Variants in OTUD7A observed in about 807,000 individuals in gnomAD.
The protein encoded by OTUD7A is OTU deubiquitinase 7A.
A neutral mutation model predicts 65.7 loss-of-function variants in OTUD7A; 12 were observed. The ratio of observed to expected loss-of-function variants is 0.18; its 90% CI spans 0.12 to 0.30. OTUD7A has a LOEUF of 0.30. Ranked by LOEUF, OTUD7A falls within the 10% of genes least tolerant of loss-of-function variation. OTUD7A has a pLI of 1.00. For synonymous variants in OTUD7A, 641 were observed against 586.3 expected (o/e 1.09, Z -1.35); for missense variants, 1,148 against 1,304.8 (o/e 0.88, Z 1.85).
chr15:31,768,204 G>A, intron 1 of OTUD7A: 2 of 1,096,182 alleles, frequency 1.8e-6, no homozygotes, highest in Non-Finnish European at 2.8e-6. Flanking sequence ...CTCTCCACAG[G>A]TCTGTCAGCG....
chr15:31,807,189 T>TCA lies in OTUD7A; in HGVS notation c.-100+63317_-100+63318insTG, dbSNP rs1170807987. ...AGCTCAATAGAGTCAATAACACCGT[T>TCA]CCCATTTTGCAGGTGAAATCGAGCC... On this transcript the variant is annotated intron_variant, in intron 1 of 12. Transcript: ENST00000307050. Among the ~76,000 whole-genome samples the TCA allele has an allele frequency of 1.2e-3, 187 of 152,282 alleles. 5 individuals carry two copies. The East Asian group carries it at 0.022, about 18-fold the overall frequency.
intron 1 of OTUD7A, among the ~76,000 whole-genome samples, chr15:31,835,665 C>T (rs1595802827): frequency 6.6e-6 from 1 of 152,182 alleles, no homozygotes; most frequent in East Asian, 1.9e-4. Flanking sequence ...CATATACACA[C>T]ATACACATAC....
chr15:31,863,164 G>T lies in OTUD7A; in HGVS notation c.-100+7343C>A, dbSNP rs192962804. Among the ~76,000 whole-genome samples, 1,069 of 152,338 alleles carry T rather than the reference G, an allele frequency of 7.0e-3. 15 individuals carry two copies. Among genetic ancestry groups the T allele is most frequent in the African/African-American group, 0.025 (1,029 of 41,586 alleles). On this transcript the variant is annotated intron_variant, in intron 1 of 12. Transcript: ENST00000307050. ...CTTGTGCAGCTTCACCCCTGTGGCT[G>T]TGCAGGGTACAGCCTCCCTCCTGGC...
rs1243683746 is a variant in OTUD7A at position 31,483,739 on chromosome 15, G to A, written c.2357C>T (p.Ala786Val). Residue 786 changes from alanine (A) to valine (V), a missense_variant, in exon 13 of 13, where the codon GCG becomes GTG. This residue lies in a region of OTUD7A where 842 missense variants were observed against 769.5 expected (regional missense o/e 1.09). Transcript: ENST00000307050. ...QSVIHVQASG[A>V]RDEACAPAVG... is the part of the protein sequence containing the mutation. Reference sequence around the variant, plus strand: ...GGCCGGCGCGCACGCCTCGTCCCGCGCGCCCGACGCCTGCACGTGGATGAC... The same window carrying A: ...GGCCGGCGCGCACGCCTCGTCCCGCACGCCCGACGCCTGCACGTGGATGAC... 9.0e-6 allele frequency: 10 copies of A among 1,105,998 alleles called. No homozygotes were observed. The highest frequency in any genetic ancestry group is 5.1e-5 in the Admixed American group (1 of 19,496). The allele number at this position is 1,105,998 out of a possible 1,614,324, so 68.5% of individuals were successfully genotyped here.
intron 3 of OTUD7A, among the ~76,000 whole-genome samples, chr15:31,598,918 C>G (rs1176986102): frequency 6.6e-6 from 1 of 152,140 alleles, no homozygotes; most frequent in African/African-American, 2.4e-5. Flanking sequence ...GAGCCCATCA[C>G]AGCTCAGCAA....
At chr15:31,685,920 T>C (rs1448623301) in intron 1 of OTUD7A, among the ~76,000 whole-genome samples, 1 of 152,194 alleles carries the variant, frequency 6.6e-6, no homozygotes, top group Non-Finnish European at 1.5e-5. Context: ...ACAATGTCTG[T>C]GTGGATCGCA....
At chr15:31,527,360 A>G in intron 6 of OTUD7A, 52 bp from the exon 7 acceptor site, 1 of 1,599,038 alleles carries the variant, frequency 6.3e-7, no homozygotes, top group Non-Finnish European at 8.5e-7. Flanking sequence ...ATGAGAAAAG[A>G]CAAGCCAGAG....
At chr15:31,714,965 G>T (rs993108188) in intron 1 of OTUD7A, among the ~76,000 whole-genome samples, 5 of 151,582 alleles carry the variant, frequency 3.3e-5, no homozygotes, top group African/African-American at 1.2e-4. Context: ...GTGAAACCCC[G>T]TCTCTACTAA....
intron 3 of OTUD7A, among the ~76,000 whole-genome samples, chr15:31,640,708 A>T (rs1891486617): frequency 1.3e-5 from 1 of 79,474 alleles, no homozygotes; most frequent in African/African-American, 8.6e-5. Context: ...TCTCTACATT[A>T]AAAAAACTAC....
intron 3 of OTUD7A, among the ~76,000 whole-genome samples, chr15:31,596,182 T>A (rs930585108): frequency 2.6e-5 from 4 of 152,200 alleles, no homozygotes; most frequent in Admixed American, 6.5e-5. Flanking sequence ...ATCTGTAGAA[T>A]CTTGTCTTCT....
chr15:31,524,807 G>A (rs1036677456), intron 8 of OTUD7A, among the ~76,000 whole-genome samples: 1 of 152,154 alleles, frequency 6.6e-6, no homozygotes, highest in Non-Finnish European at 1.5e-5. Context: ...TAATCCTTTT[G>A]TTAGATTAAG....
chr15:31,708,652 C>T (rs1566982056), intron 1 of OTUD7A, among the ~76,000 whole-genome samples: 2 of 151,872 alleles, frequency 1.3e-5, no homozygotes, highest in African/African-American at 2.4e-5. Context: ...TCTTAACCTC[C>T]TTAGCAAGAA....
chr15:31,606,585 G>A (rs1890245962), intron 3 of OTUD7A, among the ~76,000 whole-genome samples: 1 of 152,196 alleles, frequency 6.6e-6, no homozygotes. Flanking sequence ...AAGTCAGACA[G>A]TAATGGAATT....
At position 31,787,276 on chromosome 15, in the gene OTUD7A, C is replaced by A. The variant is rs566523622; in HGVS notation, c.-100+83231G>T. Among the ~76,000 whole-genome samples the A allele has an allele frequency of 2.6e-5, 4 of 152,272 alleles. No homozygotes were observed. In the South Asian group the frequency reaches 8.3e-4, roughly 32 times the overall value. On this transcript the variant is annotated intron_variant, in intron 1 of 12. Coordinates refer to ENST00000307050, the MANE Select transcript of OTUD7A (RefSeq NM_001382637.1). ...TTATTGGTTGCCTCACCAAGTAGGG[C>A]TAATTGGTTACCTTGGAATTTAATT...
At chr15:31,734,439 A>G (rs1401971827) in intron 1 of OTUD7A, among the ~76,000 whole-genome samples, 2 of 152,244 alleles carry the variant, frequency 1.3e-5, no homozygotes, top group African/African-American at 2.4e-5. Context: ...AAGAGCCTGA[A>G]TAGCCAAGAT....
At chr15:31,537,944 C>T (rs1887859222) in intron 5 of OTUD7A, among the ~76,000 whole-genome samples, 1 of 152,200 alleles carries the variant, frequency 6.6e-6, no homozygotes, top group Non-Finnish European at 1.5e-5. Context: ...ACAGCGTTTC[C>T]CTCCCATCCT....
chr15:31,778,529 A>G (rs144801719), intron 1 of OTUD7A, among the ~76,000 whole-genome samples: 1 of 152,296 alleles, frequency 6.6e-6, no homozygotes, highest in East Asian at 1.9e-4. Context: ...AGTGGCACGG[A>G]GTGGGGCTCT....
chr15:31,840,852 A>G (rs971928145), intron 1 of OTUD7A, among the ~76,000 whole-genome samples: 1 of 152,248 alleles, frequency 6.6e-6, no homozygotes, highest in Non-Finnish European at 1.5e-5. Context: ...AGAATCTACT[A>G]TCTATCACTA....
intron 1 of OTUD7A, among the ~76,000 whole-genome samples, chr15:31,779,553 C>T (rs1348842994): frequency 1.3e-5 from 2 of 152,156 alleles, no homozygotes; most frequent in Non-Finnish European, 2.9e-5. Context: ...GGTAAAGAAG[C>T]AGGTAGAAGA....
Sources: allele counts gnomAD v4.1 joint callset (sites outside exome capture counted in the v4.1 genomes callset), GRCh38; gene constraint gnomAD v4.1.1; regional missense constraint gnomAD v4.1.1; transcripts MANE v1.5; gene names NCBI Gene and HGNC (gene_info 2026-07-23, HGNC 2026-07-21).